ANO3: variants seen among roughly 807,000 people sequenced by gnomAD.
ANO3 encodes the protein anoctamin-3.
In ANO3, 99 loss-of-function variants were observed where a neutral mutation model predicts 144.8. That is an observed-to-expected ratio of 0.68 (90% CI 0.58 to 0.81). The LOEUF (loss-of-function observed/expected upper bound fraction) is 0.81. Ranked by LOEUF, ANO3 falls within the 30% of genes least tolerant of loss-of-function variation. The pLI, the probability that ANO3 is intolerant of heterozygous loss-of-function variation, is 0.00. For missense variants in ANO3, 905 were observed against 1,202.2 expected (o/e 0.75, Z 3.66); for synonymous variants, 414 against 392.6 (o/e 1.05, Z -0.64).
chr11:26,515,064 C>T (rs764493644), intron 5 of ANO3, among the ~76,000 whole-genome samples: 11 of 151,844 alleles, frequency 7.2e-5, no homozygotes, highest in Non-Finnish European at 1.5e-4. Context: ...ATATGTGTAA[C>T]CTTGGTTGGT....
intron 26 of ANO3, 38 bp downstream of exon 26, chr11:26,656,519 AT>A: frequency 7.7e-7 from 1 of 1,295,390 alleles, no homozygotes; most frequent in Non-Finnish European, 1.1e-6. Flanking sequence ...CTATAGATAA[AT>A]GCTTTTCTAA....
chr11:26,496,762 G>C (rs901468842), intron 4 of ANO3, among the ~76,000 whole-genome samples: 3 of 151,898 alleles, frequency 2.0e-5, no homozygotes, highest in African/African-American at 7.3e-5. Flanking sequence ...ACTTATAAGT[G>C]AGAACATGCA....
At position 26,245,018 on chromosome 11, in the gene ANO3, T is replaced by TGTGCGCGTGC. The variant is rs1554928314; in HGVS notation, c.154+55692_154+55693insGCGTGCGTGC. Among the ~76,000 whole-genome samples the TGTGCGCGTGC allele has an allele frequency of 4.8e-3, 704 of 145,422 alleles. 8 individuals carry two copies. Among genetic ancestry groups the TGTGCGCGTGC allele is most frequent in the African/African-American group, 0.017 (665 of 39,536 alleles). On this transcript the variant is annotated intron_variant, in intron 1 of 27. Transcript: ENST00000672621. ...GTGTGTGTGTGTGTGTGTGTGTGTG[T>TGTGCGCGTGC]GTGCATGCATGCATTTGTCTTTCAT...
At chr11:26,285,859 A>C (rs1019560955) in intron 1 of ANO3, 1 of 152,222 alleles carries the variant, frequency 6.6e-6, no homozygotes, top group South Asian at 2.1e-4. Context: ...ATGGAAAGGT[A>C]TGAATGATAA....
At chr11:26,485,222 G>A (rs1315021319) in intron 4 of ANO3, among the ~76,000 whole-genome samples, 10 of 152,134 alleles carry the variant, frequency 6.6e-5, no homozygotes, top group African/African-American at 2.4e-4. Flanking sequence ...GATATGGTTT[G>A]CGTGTGTGTC....
intron 4 of ANO3, among the ~76,000 whole-genome samples, chr11:26,468,199 T>C (rs1859666300): frequency 6.6e-6 from 1 of 151,940 alleles, no homozygotes; most frequent in Non-Finnish European, 1.5e-5. Context: ...AAAGAATCCA[T>C]GGCATCCGTA....
chr11:26,337,700 C>T lies in ANO3; in HGVS notation c.46+5379C>T, dbSNP rs114595019. ...AAAAATTATGGCTCACTTTGGGAGG[C>T]GGAGGTGGTGGATCACTTGAGGACA... On this transcript the variant is annotated intron_variant, in intron 1 of 26. Transcript: ENST00000256737. 2.6e-3 allele frequency among the ~76,000 whole-genome samples: 399 copies of T among 152,084 alleles called. 8 individuals are homozygous for T. In the East Asian group the frequency reaches 0.027, roughly 10 times the overall value.
rs143934545 is a variant in ANO3 at position 26,406,972 on chromosome 11, G to GTA, written c.47-34934_47-34933dup. Among the ~76,000 whole-genome samples, 79 of 133,616 alleles carry GTA rather than the reference G, an allele frequency of 5.9e-4. 1 individual carries two copies. Among genetic ancestry groups the GTA allele is most frequent in the South Asian group, 1.9e-3 (8 of 4,104 alleles). 87.7% of individuals were successfully genotyped at this position (133,616 alleles called of 152,430 possible). On this transcript the variant is annotated intron_variant, in intron 1 of 26. Transcript: ENST00000256737. ...TATATACATATATATATACACACAC[G>GTA]TATATATATATATTTATAGGTGTGT...
intron 1 of ANO3, among the ~76,000 whole-genome samples, chr11:26,193,947 G>T (rs1367330749): frequency 1.3e-5 from 2 of 152,116 alleles, no homozygotes; most frequent in Non-Finnish European, 2.9e-5. Flanking sequence ...CTAACTGCAT[G>T]ACTTCAGAAA....
At position 26,599,004 on chromosome 11, in the gene ANO3, G is replaced by A. The variant is rs775053759; in HGVS notation, c.1671+6G>A. 2.5e-6 allele frequency: 4 copies of A among 1,612,042 alleles called. No homozygotes were observed. The highest frequency in any genetic ancestry group is 3.4e-6 in the Non-Finnish European group (4 of 1,179,486). On this transcript the variant is annotated splice_donor_region_variant and intron_variant, in intron 16 of 26. Transcript: ENST00000256737. ...TCTCAGGAATATTCTTCATGGTAAA[G>A]TATAGGCATCGATATCAAAATGTTT... is the stretch of plus-strand genomic sequence containing the variant.
At chr11:26,333,533 T>C (rs570583195) in intron 1 of ANO3, among the ~76,000 whole-genome samples, 92 of 152,210 alleles carry the variant, frequency 6.0e-4, no homozygotes, top group Non-Finnish European at 1.1e-3. Context: ...CCGCCCGCCT[T>C]AGCCTCCCAA....
chr11:26,551,659 T>A (rs1416421706), intron 12 of ANO3, among the ~76,000 whole-genome samples: 2 of 152,028 alleles, frequency 1.3e-5, no homozygotes, highest in Non-Finnish European at 2.9e-5. Flanking sequence ...TAGTATAAGA[T>A]TCTAAAGCAG....
intron 7 of ANO3, among the ~76,000 whole-genome samples, chr11:26,528,710 G>C (rs1849228316): frequency 6.6e-6 from 1 of 152,010 alleles, no homozygotes; most frequent in Non-Finnish European, 1.5e-5. Context: ...TCAGTGACCA[G>C]CAAATTCAGC....
chr11:26,458,001 G>A (rs192056880), intron 3 of ANO3, among the ~76,000 whole-genome samples: 1 of 152,034 alleles, frequency 6.6e-6, no homozygotes, highest in African/African-American at 2.4e-5. Context: ...GGGAAAAATA[G>A]GTTACTGCCA....
At chr11:26,504,523 G>A (rs1861335572) in intron 4 of ANO3, among the ~76,000 whole-genome samples, 1 of 151,600 alleles carries the variant, frequency 6.6e-6, no homozygotes, top group South Asian at 2.1e-4. Context: ...GATAATTAAT[G>A]AATAAATTAG....
chr11:26,306,680 A>G (rs1280418015), upstream of ANO3, among the ~76,000 whole-genome samples: 1 of 152,080 alleles, frequency 6.6e-6, no homozygotes, highest in Non-Finnish European at 1.5e-5. Context: ...AAAAGAAAAC[A>G]TATTTTTTAA....
At chr11:26,376,651 T>C (rs1856419108) in intron 1 of ANO3, among the ~76,000 whole-genome samples, 1 of 138,654 alleles carries the variant, frequency 7.2e-6, no homozygotes. Flanking sequence ...CTGCTAAAAG[T>C]TGAGTAAAAA....
At chr11:26,406,765 G>A (rs985339464) in intron 1 of ANO3, among the ~76,000 whole-genome samples, 1 of 146,470 alleles carries the variant, frequency 6.8e-6, no homozygotes, top group Admixed American at 7.0e-5. Flanking sequence ...ATGATGATCT[G>A]TATTGCCAAT....
intron 1 of ANO3, among the ~76,000 whole-genome samples, chr11:26,435,002 ATAC>A (rs754029938): frequency 6.6e-6 from 1 of 152,082 alleles, no homozygotes; most frequent in African/African-American, 2.4e-5. Context: ...TAATGATCTA[ATAC>A]TGTCAGGGTA....
Sources: allele counts gnomAD v4.1 joint callset (sites outside exome capture counted in the v4.1 genomes callset), GRCh38; gene constraint gnomAD v4.1.1; transcripts MANE v1.5; gene names NCBI Gene and HGNC (gene_info 2026-07-23, HGNC 2026-07-21).